The following GSG1L variants were observed in gnomAD, a reference collection of about 807,000 sequenced individuals.
GSG1L encodes GSG1 like, also known as germ cell-specific gene 1-like protein.
Under a neutral mutation model 42.1 loss-of-function variants are expected in GSG1L, and 24 were observed. The ratio of observed to expected loss-of-function variants is 0.57; its 90% CI spans 0.41 to 0.80. The LOEUF (loss-of-function observed/expected upper bound fraction) is 0.80, where lower values mean the gene tolerates loss of function less well. Ranked by LOEUF, GSG1L falls within the 30% of genes least tolerant of loss-of-function variation. GSG1L has a pLI of 0.00. For missense variants in GSG1L, 445 were observed against 472.2 expected (o/e 0.94, Z 0.53); for synonymous variants, 215 against 203.5 (o/e 1.06, Z -0.48).
At chr16:27,956,478 C>T (rs888908455) in intron 2 of GSG1L, among the ~76,000 whole-genome samples, 1 of 152,170 alleles carries the variant, frequency 6.6e-6, no homozygotes, top group African/African-American at 2.4e-5. Context: ...AATTATTGAT[C>T]AGCAAACATT....
At chr16:28,049,966 TC>T (rs2086204680) in intron 1 of GSG1L, among the ~76,000 whole-genome samples, 1 of 152,174 alleles carries the variant, frequency 6.6e-6, no homozygotes, top group African/African-American at 2.4e-5. Flanking sequence ...TTTAACTTAC[TC>T]ATTTTCTCTC....
At chr16:27,972,335 CCAGAAGTCTAACAGCTGAAATTCAAACA>C (rs2085202315) in intron 1 of GSG1L, among the ~76,000 whole-genome samples, 1 of 152,182 alleles carries the variant, frequency 6.6e-6, no homozygotes, top group Admixed American at 6.5e-5. Flanking sequence ...ACTTCAATGG[CCAGAAGTCTAACAGCTGAAATTCAAACA>C]CAGAAGAGAT....
intron 5 of GSG1L, among the ~76,000 whole-genome samples, chr16:27,827,886 CCA>C (rs1211388966): frequency 4.9e-5 from 7 of 143,114 alleles, no homozygotes; most frequent in East Asian, 2.2e-4. Context: ...ATCCATCCAT[CCA>C]TCCATCCATC....
intron 1 of GSG1L, among the ~76,000 whole-genome samples, chr16:28,039,943 C>T (rs2086088258): frequency 6.6e-6 from 1 of 152,184 alleles, no homozygotes; most frequent in Non-Finnish European, 1.5e-5. Context: ...TCTCCCTCAA[C>T]CTGTCCCCGC....
chr16:27,798,059 A>T (rs1425173332), intron 6 of GSG1L, among the ~76,000 whole-genome samples: 2 of 152,136 alleles, frequency 1.3e-5, no homozygotes, highest in Non-Finnish European at 1.5e-5. Context: ...AAGGGTTGAA[A>T]AATTACCTAC....
At chr16:27,840,312 C>T (rs2083366451) in intron 4 of GSG1L, among the ~76,000 whole-genome samples, 1 of 152,062 alleles carries the variant, frequency 6.6e-6, no homozygotes, top group Non-Finnish European at 1.5e-5. Context: ...GCTGGGATTA[C>T]AGGTGAGTCA....
Position 28,063,302 on chromosome 16 carries a change from C to A in GSG1L, c.123G>T (p.Lys41Asn). The A allele has an allele frequency of 7.2e-7, 1 of 1,384,450 alleles. No individual in the cohort carries two copies. The highest frequency in any genetic ancestry group is 9.4e-7 in the Non-Finnish European group (1 of 1,060,286). The allele number at this position is 1,384,450 out of a possible 1,614,324, so 85.8% of individuals were successfully genotyped here. A position where few individuals can be genotyped will look rare whatever the true frequency, so the allele number is the denominator to read the frequency against. The change falls in exon 1 of 7, where the codon AAG (lysine) becomes AAT (asparagine). Residue 41 changes from lysine to asparagine, a missense_variant. Lys to Asn is a moderately conservative substitution (Grantham distance 94). Coordinates refer to ENST00000447459, the MANE Select transcript of GSG1L (RefSeq NM_001109763.2). The surrounding 1 kb of genome is among the most constrained non-coding windows in gnomAD (Gnocchi z 5.8). ...CGCGCCCGCCCTGGCCGCAGCCCGGCTTGGGGACCCGCTGCGTGCCCTGGC... is the reference window on the plus strand; with the variant it reads ...CGCGCCCGCCCTGGCCGCAGCCCGGATTGGGGACCCGCTGCGTGCCCTGGC... Reference protein sequence around the residue: ...HWCQGTQRVPKPGCGQGGRAN... With the variant: ...HWCQGTQRVPNPGCGQGGRAN...
intron 1 of GSG1L, 39 bp from the exon 2 acceptor site, chr16:27,963,242 A>G (rs774916766): frequency 1.1e-5 from 17 of 1,591,224 alleles, no homozygotes; most frequent in Non-Finnish European, 1.4e-5. Context: ...ATGTGAGAGG[A>G]CACGTGGGCT....
At chr16:27,932,544 T>C (rs947999920) in intron 2 of GSG1L, among the ~76,000 whole-genome samples, 2 of 152,148 alleles carry the variant, frequency 1.3e-5, no homozygotes, top group African/African-American at 4.8e-5. Context: ...CGGATCTCAC[T>C]AGAACTCACT....
At position 27,874,538 on chromosome 16, in the gene GSG1L, C is replaced by T. The variant is rs79161093; in HGVS notation, c.550+9948G>A. ...TCATGGCTGACTGCAGCCTCCTCAA[C>T]CTCCCAGGCTCAAACAATCCTCCCA... On this transcript the variant is annotated intron_variant, in intron 3 of 6. Coordinates refer to ENST00000447459, the MANE Select transcript of GSG1L (RefSeq NM_001109763.2). Among the ~76,000 whole-genome samples, 732 of 145,654 alleles carry T rather than the reference C, an allele frequency of 5.0e-3. 9 individuals carry two copies. Among genetic ancestry groups the T allele is most frequent in the African/African-American group, 0.018 (695 of 39,498 alleles).
At chr16:27,938,237 G>A (rs1024692577) in intron 2 of GSG1L, among the ~76,000 whole-genome samples, 2 of 151,858 alleles carry the variant, frequency 1.3e-5, no homozygotes. Context: ...CCATTGTTTG[G>A]TTTATTATTA....
chr16:27,957,974 G>C (rs531774036), intron 2 of GSG1L, among the ~76,000 whole-genome samples: 4 of 152,116 alleles, frequency 2.6e-5, no homozygotes, highest in African/African-American at 9.7e-5. Flanking sequence ...GAGAATTCAC[G>C]CATTACCAAG....
chr16:27,818,982 G>T (rs933640504), intron 5 of GSG1L, among the ~76,000 whole-genome samples: 1 of 152,174 alleles, frequency 6.6e-6, no homozygotes. Flanking sequence ...GGGCGCGGTG[G>T]CTCACGCCTG....
chr16:28,042,576 A>T (rs903213678), intron 1 of GSG1L, among the ~76,000 whole-genome samples: 2 of 152,220 alleles, frequency 1.3e-5, no homozygotes, highest in Non-Finnish European at 2.9e-5. Flanking sequence ...GGCGAGAAGT[A>T]TCAAAGAGAA....
intron 2 of GSG1L, among the ~76,000 whole-genome samples, chr16:27,941,554 C>T (rs1316237410): frequency 1.5e-5 from 2 of 133,602 alleles, no homozygotes; most frequent in Non-Finnish European, 3.2e-5. Flanking sequence ...TGCCTATAAT[C>T]CCAGCTACTC....
chr16:28,055,091 C>G (rs976181816), intron 1 of GSG1L, among the ~76,000 whole-genome samples: 1 of 152,184 alleles, frequency 6.6e-6, no homozygotes, highest in East Asian at 1.9e-4. Context: ...TCCAGGAGCC[C>G]AGTGGCCCTG....
chr16:28,047,604 T>C (rs1041394313), intron 1 of GSG1L, among the ~76,000 whole-genome samples: 1 of 151,920 alleles, frequency 6.6e-6, no homozygotes, highest in African/African-American at 2.4e-5. Context: ...AAAAGTCTAG[T>C]AAGAGATATA....
Position 27,884,610 on chromosome 16 carries a change from C to T in GSG1L, c.426G>A (p.Glu142=), listed in dbSNP as rs773742156. The T allele has an allele frequency of 1.7e-5, 28 of 1,601,916 alleles. No homozygotes were observed. Among genetic ancestry groups the T allele is most frequent in the Non-Finnish European group, 2.4e-5 (28 of 1,174,324 alleles). The change falls in exon 3 of 7, where the codon GAG becomes GAA. Residue 142 remains glutamate (E), a synonymous_variant. Coordinates refer to ENST00000447459, the MANE Select transcript of GSG1L (RefSeq NM_001109763.2). The surrounding 1 kb of genome is among the most constrained non-coding windows in gnomAD (Gnocchi z 4.4). ...KGVLWLSVVS[E]VLYILLLVVG... ...CCACCAGCAGCAGAATGTACAGCACCTCGGAGACCACAGACAGCCACAGGA... is the reference window on the plus strand; with the variant it reads ...CCACCAGCAGCAGAATGTACAGCACTTCGGAGACCACAGACAGCCACAGGA...
intron 6 of GSG1L, among the ~76,000 whole-genome samples, chr16:27,795,703 C>A (rs1042215749): frequency 1.1e-4 from 16 of 152,186 alleles, no homozygotes; most frequent in African/African-American, 3.6e-4. Flanking sequence ...CTGTGGTTTC[C>A]ATTTTCTGGG....
Sources: allele counts gnomAD v4.1 joint callset (sites outside exome capture counted in the v4.1 genomes callset), GRCh38; gene constraint gnomAD v4.1.1; non-coding constraint Gnocchi (gnomAD v3.1); transcripts MANE v1.5; gene names NCBI Gene and HGNC (gene_info 2026-07-23, HGNC 2026-07-21).